INKA2: variants seen among roughly 807,000 people sequenced by gnomAD.
INKA2 encodes PAK4-inhibitor INKA2.
In INKA2, 3 loss-of-function variants were observed where a neutral mutation model predicts 9.8. The observed-to-expected ratio is 0.31, with a 90% CI of 0.14 to 0.79. The LOEUF (loss-of-function observed/expected upper bound fraction) is 0.79, where lower values mean the gene tolerates loss of function less well. INKA2 is among the 30% of genes least tolerant of loss of function. INKA2 has a pLI of 0.62. For synonymous variants in INKA2, 147 were observed against 143.3 expected (o/e 1.03, Z -0.18); for missense variants, 392 against 384.4 (o/e 1.02, Z -0.17).
Position 111,739,276 on chromosome 1 carries a change from G to C in INKA2, c.-34C>G. ...TTGTCGGGTTCGGTTCAAACAGAGA[G>C]GGCCCGGGTGAAACCCCGGCCCCAC... On this transcript the variant is annotated 5_prime_UTR_variant, in exon 1 of 2. Transcript: ENST00000357260. The C allele has an allele frequency of 6.2e-7, 1 of 1,612,952 alleles. No homozygotes were observed. The highest frequency in any genetic ancestry group is 8.5e-7 in the Non-Finnish European group (1 of 1,179,470).
rs941267646 is a variant in INKA2 at position 111,723,308 on chromosome 1, G to C, written c.*3660C>G. The stretch of plus-strand genomic sequence containing the variant: ...GAGCAACCTTCTTTGGGGCAAGTTT[G>C]GGTTCAGAGATCACCCTGAGGGGCG... On this transcript the variant is annotated 3_prime_UTR_variant, in exon 2 of 2. Transcript: ENST00000357260. 3.8e-6 allele frequency: 2 copies of C among 524,374 alleles called. No individual in the cohort carries two copies. Among genetic ancestry groups the C allele is most frequent in the African/African-American group, 4.0e-5 (2 of 50,222 alleles). The allele number at this position is 524,374 out of a possible 1,614,324, so 32.5% of individuals were successfully genotyped here.
At chr1:111,734,241 G>C (rs1662966465) in intron 1 of INKA2, among the ~76,000 whole-genome samples, 1 of 152,202 alleles carries the variant, frequency 6.6e-6, no homozygotes, top group African/African-American at 2.4e-5. Context: ...GCTTAGGCAA[G>C]GGGCAGACAG....
chr1:111,742,264 G>C (rs183001197), upstream of INKA2, among the ~76,000 whole-genome samples: 1 of 152,098 alleles, frequency 6.6e-6, no homozygotes, highest in Non-Finnish European at 1.5e-5. Context: ...TTAAACCTTT[G>C]TGAGTCTAAT....
chr1:111,723,357 G>A lies in INKA2; in HGVS notation c.*3611C>T, dbSNP rs1662691163. ...CGGGGCACAAGGGAAGTGTCTGAGG[G>A]AGAGGGAAAAGAGAGGTCCCAAGTC... On this transcript the variant is annotated 3_prime_UTR_variant, in exon 2 of 2. Coordinates refer to ENST00000357260, the MANE Select transcript of INKA2 (RefSeq NM_019099.5). The A allele has an allele frequency of 4.3e-6, 2 of 467,852 alleles. No homozygotes were observed. Among genetic ancestry groups the A allele is most frequent in the East Asian group, 3.5e-5 (1 of 28,490 alleles). The allele number at this position is 467,852 out of a possible 1,614,324, so 29.0% of individuals were successfully genotyped here.
chr1:111,742,931 G>A (rs943772665), upstream of INKA2, among the ~76,000 whole-genome samples: 1 of 152,258 alleles, frequency 6.6e-6, no homozygotes, highest in East Asian at 1.9e-4. Flanking sequence ...GTGTGTGTGT[G>A]TTGGGGGGCA....
intron 1 of INKA2, among the ~76,000 whole-genome samples, chr1:111,750,820 C>T (rs368128628): frequency 6.6e-6 from 1 of 152,224 alleles, no homozygotes; most frequent in African/African-American, 2.4e-5. Context: ...ACACTACCCC[C>T]CTTTGGAAGA....
upstream of INKA2, among the ~76,000 whole-genome samples, chr1:111,742,454 G>A (rs927098019): frequency 3.3e-5 from 5 of 152,040 alleles, no homozygotes; most frequent in African/African-American, 1.2e-4. Context: ...GTGCGGTGGC[G>A]GGCATCTGTA....
At chr1:111,753,651 T>C (rs1340459630) in intron 1 of INKA2, 1 of 152,234 alleles carries the variant, frequency 6.6e-6, no homozygotes, top group East Asian at 1.9e-4. Context: ...ACAGAACCGC[T>C]GCTATGTGCA....
chr1:111,726,070 T>C lies in INKA2; in HGVS notation c.*898A>G. ...GCTAAGAACTGTTGGGGAGGAGTGT[T>C]GGTAACTCCAGGGTCCAGCTTCTAC... On this transcript the variant is annotated 3_prime_UTR_variant, in exon 2 of 2. Coordinates refer to ENST00000357260, the MANE Select transcript of INKA2 (RefSeq NM_019099.5). 2 of 398,612 alleles carry C rather than the reference T, an allele frequency of 5.0e-6. No individual in the cohort carries two copies. Among genetic ancestry groups the C allele is most frequent in the Non-Finnish European group, 4.4e-6 (1 of 226,100 alleles). The allele number at this position is 398,612 out of a possible 1,614,324, so 24.7% of individuals were successfully genotyped here.
At position 111,723,493 on chromosome 1, in the gene INKA2, C is replaced by T. The variant is rs1662695519; in HGVS notation, c.*3475G>A. The T allele has an allele frequency of 8.8e-6, 2 of 227,702 alleles. No individual in the cohort carries two copies. Among genetic ancestry groups the T allele is most frequent in the South Asian group, 2.7e-4 (2 of 7,514 alleles). 14.1% of individuals were successfully genotyped at this position (227,702 alleles called of 1,614,324 possible). ...CCACAAAGAAGCAGGTGGAACCTTC[C>T]ACAGATACCTGGGCCAATCAGGTGG... On this transcript the variant is annotated 3_prime_UTR_variant, in exon 2 of 2. Coordinates refer to ENST00000357260, the MANE Select transcript of INKA2 (RefSeq NM_019099.5).
chr1:111,731,996 G>C (rs999397714), intron 1 of INKA2, among the ~76,000 whole-genome samples: 4 of 152,194 alleles, frequency 2.6e-5, no homozygotes, highest in African/African-American at 9.6e-5. Flanking sequence ...CGTTCAGTCA[G>C]CCCAGCCACA....
intron 1 of INKA2, among the ~76,000 whole-genome samples, chr1:111,751,826 G>A (rs1663417810): frequency 6.6e-6 from 1 of 152,156 alleles, no homozygotes; most frequent in Non-Finnish European, 1.5e-5. Flanking sequence ...GGAAGATGTG[G>A]CAGAGACTGT....
At position 111,727,037 on chromosome 1, in the gene INKA2, G is replaced by T; in HGVS notation, c.825C>A (p.Pro275=). The change falls in exon 2 of 2, where the codon CCC becomes CCA. Residue 275 remains proline (P), a synonymous_variant. Transcript: ENST00000357260. ...TGEHRRGENP[P]TSCPKALEHS... ...GCTCCAGGGCCTTGGGGCAGCTTGT[G>T]GGGGGATTCTCCCCTCGCCTGTGCT... 1 of 1,613,958 alleles carries T rather than the reference G, an allele frequency of 6.2e-7. No homozygotes were observed. Among genetic ancestry groups the T allele is most frequent in the South Asian group, 1.1e-5 (1 of 91,066 alleles).
intron 1 of INKA2, chr1:111,747,225 G>T (rs1172319496): frequency 2.0e-5 from 3 of 152,200 alleles, no homozygotes; most frequent in East Asian, 3.8e-4. Context: ...AGATAGACTG[G>T]AGATGTTACG....
chr1:111,732,969 T>A (rs1342423596), intron 1 of INKA2, among the ~76,000 whole-genome samples: 1 of 152,114 alleles, frequency 6.6e-6, no homozygotes, highest in African/African-American at 2.4e-5. Context: ...AGACGACAAC[T>A]CCTGGTGTCA....
At chr1:111,739,416 C>T, upstream of INKA2, 2 of 1,464,998 alleles carry the variant, frequency 1.4e-6, no homozygotes, top group Non-Finnish European at 1.8e-6. Flanking sequence ...CGGCTAGCCG[C>T]GCGCGGTCGG....
intron 1 of INKA2, among the ~76,000 whole-genome samples, chr1:111,735,453 C>T (rs1223477036): frequency 2.0e-5 from 3 of 152,018 alleles, no homozygotes; most frequent in African/African-American, 4.8e-5. Flanking sequence ...ATTTTAAAAC[C>T]CCCATTTTAG....
At position 111,726,909 on chromosome 1, in the gene INKA2, A is replaced by C. The variant is rs953413300; in HGVS notation, c.*59T>G. 1.9e-5 allele frequency: 29 copies of C among 1,517,604 alleles called. No individual in the cohort carries two copies. Among genetic ancestry groups the C allele is most frequent in the Non-Finnish European group, 2.6e-5 (29 of 1,116,806 alleles). The allele number at this position is 1,517,604 out of a possible 1,614,324, so 94.0% of individuals were successfully genotyped here. ...ATACCGCCCACCCTCCCTCCTCCCCAGGGGCCCAGCACTGGGACCTGGCCC... is the reference window on the plus strand; with the variant it reads ...ATACCGCCCACCCTCCCTCCTCCCCCGGGGCCCAGCACTGGGACCTGGCCC... On this transcript the variant is annotated 3_prime_UTR_variant, in exon 2 of 2. Transcript: ENST00000357260.
At chr1:111,748,466 C>T (rs1663321881) in intron 1 of INKA2, among the ~76,000 whole-genome samples, 1 of 152,202 alleles carries the variant, frequency 6.6e-6, no homozygotes, top group Admixed American at 6.5e-5. Context: ...TGTGGCTTGC[C>T]TGCCAAAGGA....
Sources: allele counts gnomAD v4.1 joint callset (sites outside exome capture counted in the v4.1 genomes callset), GRCh38; gene constraint gnomAD v4.1.1; transcripts MANE v1.5; gene names NCBI Gene and HGNC (gene_info 2026-07-23, HGNC 2026-07-21).